The following TAB2 variants were observed in gnomAD, a reference collection of about 807,000 sequenced individuals.
The protein encoded by TAB2 is TGF-beta-activated kinase 1 and MAP3K7-binding protein 2.
TAB2 carries 3 observed loss-of-function variants against 65.0 expected under a neutral mutation model. That is an observed-to-expected ratio of 0.05 (90% CI 0.02 to 0.12). The LOEUF (loss-of-function observed/expected upper bound fraction) is 0.12. Ranked by LOEUF, TAB2 falls within the 10% of genes least tolerant of loss-of-function variation. The probability of loss-of-function intolerance (pLI) is 1.00; values close to 1 mark genes in which losing one functional copy is unlikely to be tolerated. For synonymous variants in TAB2, 298 were observed against 285.1 expected, an observed-to-expected ratio of 1.05 and a Z score of -0.46; for missense variants, 623 against 840.3, an observed-to-expected ratio of 0.74 and a Z score of 3.20.
intron 1 of TAB2, among the ~76,000 whole-genome samples, chr6:149,257,912 G>GA (rs1778073184): frequency 6.6e-6 from 1 of 152,032 alleles, no homozygotes; most frequent in South Asian, 2.1e-4. Context: ...GACTGGTCAG[G>GA]AAAAAAATGC....
At chr6:149,307,795 A>G (rs1239446991) in intron 1 of TAB2, among the ~76,000 whole-genome samples, 1 of 152,242 alleles carries the variant, frequency 6.6e-6, no homozygotes, top group African/African-American at 2.4e-5. Context: ...TAATCTAGTC[A>G]TTGCTAAAAA....
chr6:149,367,915 A>T (rs1297946131), intron 1 of TAB2, among the ~76,000 whole-genome samples: 4 of 152,144 alleles, frequency 2.6e-5, no homozygotes. Flanking sequence ...AAATAAGTTG[A>T]TACACAAAAG....
chr6:149,238,440 C>T (rs1472115364), intron 1 of TAB2, among the ~76,000 whole-genome samples: 2 of 152,146 alleles, frequency 1.3e-5, no homozygotes, highest in Non-Finnish European at 2.9e-5. Flanking sequence ...GGGTACATCT[C>T]CACAAGGCAC....
intron 3 of TAB2, among the ~76,000 whole-genome samples, chr6:149,392,697 T>A (rs762652132): frequency 5.3e-5 from 8 of 152,222 alleles, no homozygotes; most frequent in Non-Finnish European, 1.0e-4. Context: ...TGACTTCTGT[T>A]GTGAGTTAAT....
chr6:149,289,592 C>T (rs547375839), intron 1 of TAB2, among the ~76,000 whole-genome samples: 2 of 152,200 alleles, frequency 1.3e-5, no homozygotes, highest in Admixed American at 1.3e-4. Context: ...CTCTCTTCAC[C>T]CAGTCCACTC....
chr6:149,407,401 T>C (rs565661621), intron 6 of TAB2, among the ~76,000 whole-genome samples: 191 of 152,308 alleles, frequency 1.3e-3, no homozygotes, highest in South Asian at 3.5e-3. Context: ...TGAAATAAAA[T>C]TGGTCTTGAC....
intron 1 of TAB2, among the ~76,000 whole-genome samples, chr6:149,320,618 C>G (rs986918925): frequency 2.0e-5 from 3 of 152,082 alleles, no homozygotes; most frequent in Non-Finnish European, 2.9e-5. Context: ...CTGTTTTACT[C>G]TATGAGTTAC....
At chr6:149,368,111 A>T (rs904128135) in intron 1 of TAB2, among the ~76,000 whole-genome samples, 5 of 152,208 alleles carry the variant, frequency 3.3e-5, no homozygotes, top group Admixed American at 6.6e-5. Context: ...AGCCACCAAC[A>T]TTCAGATGTC....
chr6:149,228,869 A>C (rs1409547930), intron 1 of TAB2, among the ~76,000 whole-genome samples: 1 of 152,128 alleles, frequency 6.6e-6, no homozygotes, highest in Non-Finnish European at 1.5e-5. Context: ...GCGTGCATGC[A>C]TGTGTGTGTG....
chr6:149,239,103 T>C (rs1045636979), intron 1 of TAB2, among the ~76,000 whole-genome samples: 1 of 152,214 alleles, frequency 6.6e-6, no homozygotes, highest in African/African-American at 2.4e-5. Flanking sequence ...GCTATGAATG[T>C]ATTCTCCATC....
chr6:149,404,190 A>G (rs1031681998), intron 6 of TAB2, among the ~76,000 whole-genome samples: 2 of 152,236 alleles, frequency 1.3e-5, no homozygotes, highest in Non-Finnish European at 2.9e-5. Context: ...GGAACTATCA[A>G]AAAAGGAGAT....
At chr6:149,370,221 A>C in intron 2 of TAB2, 122 bp downstream of exon 2, 4 of 895,716 alleles carry the variant, frequency 4.5e-6, no homozygotes, top group Non-Finnish European at 7.1e-6. Flanking sequence ...AAAAGAGATA[A>C]GCTTTGGTGT....
In TAB2 at chr6:149,358,571, T is replaced by G. The variant is rs1162591053; in HGVS notation, c.-89-11338T>G. On this transcript the variant is annotated intron_variant, in intron 1 of 6. Transcript: ENST00000637181. ...TTGTTTTAAAGATAAAATATTTGTC[T>G]TTGGTACTCTGCAGTTTCACTACAA... 2.6e-5 allele frequency among the ~76,000 whole-genome samples: 4 copies of G among 151,754 alleles called. No homozygotes were observed. In the East Asian group the frequency reaches 7.7e-4, roughly 29 times the overall value.
chr6:149,366,065 A>G (rs981502042), intron 1 of TAB2, among the ~76,000 whole-genome samples: 7 of 152,296 alleles, frequency 4.6e-5, no homozygotes, highest in African/African-American at 1.7e-4. Flanking sequence ...TGCTAATTCT[A>G]GCAGCTGGCT....
chr6:149,272,652 C>T (rs1486277027), intron 1 of TAB2, among the ~76,000 whole-genome samples: 1 of 152,156 alleles, frequency 6.6e-6, no homozygotes, highest in Non-Finnish European at 1.5e-5. Context: ...CTCAAGATGC[C>T]TAACTTAATC....
At chr6:149,350,506 T>C (rs1780454617) in intron 1 of TAB2, among the ~76,000 whole-genome samples, 1 of 152,154 alleles carries the variant, frequency 6.6e-6, no homozygotes, top group Non-Finnish European at 1.5e-5. Context: ...AAAAATCTTC[T>C]CTTACATTCT....
At chr6:149,382,013 T>TA (rs1781627323) in intron 3 of TAB2, among the ~76,000 whole-genome samples, 1 of 152,148 alleles carries the variant, frequency 6.6e-6, no homozygotes, top group Admixed American at 6.5e-5. Context: ...GAGATACTGT[T>TA]AAAAATATGC....
At chr6:149,321,577 G>A (rs1779456931) in intron 1 of TAB2, among the ~76,000 whole-genome samples, 1 of 152,110 alleles carries the variant, frequency 6.6e-6, no homozygotes, top group Non-Finnish European at 1.5e-5. Context: ...AGCCTCCTAG[G>A]AAAAGAAAAA....
At chr6:149,348,556 G>A (rs910515005) in intron 1 of TAB2, among the ~76,000 whole-genome samples, 10 of 151,628 alleles carry the variant, frequency 6.6e-5, no homozygotes, top group South Asian at 2.1e-4. Flanking sequence ...CCAGAGGCAT[G>A]TTCCTAAATA....
Sources: allele counts gnomAD v4.1 joint callset (sites outside exome capture counted in the v4.1 genomes callset), GRCh38; gene constraint gnomAD v4.1.1; transcripts MANE v1.5; gene names NCBI Gene and HGNC (gene_info 2026-07-23, HGNC 2026-07-21).